The following SLC7A10 variants were observed in gnomAD, a reference collection of about 807,000 sequenced individuals.
The protein encoded by SLC7A10 is asc-type amino acid transporter 1.
In SLC7A10, 30 loss-of-function variants were observed where a neutral mutation model predicts 52.7. The observed-to-expected ratio is 0.57, with a 90% CI of 0.43 to 0.77. The LOEUF (loss-of-function observed/expected upper bound fraction) is 0.77, where lower values mean the gene tolerates loss of function less well. Ranked by LOEUF, SLC7A10 falls within the 30% of genes least tolerant of loss-of-function variation. The pLI, the probability that SLC7A10 is intolerant of heterozygous loss-of-function variation, is 0.00. For missense variants in SLC7A10, 581 were observed against 698.5 expected (o/e 0.83, Z 1.90); for synonymous variants, 318 against 314.9 (o/e 1.01, Z -0.10).
At chr19:33,213,988 C>T (rs1425926341) in intron 2 of SLC7A10, among the ~76,000 whole-genome samples, 1 of 152,112 alleles carries the variant, frequency 6.6e-6, no homozygotes, top group African/African-American at 2.4e-5. Flanking sequence ...ATCACCTGCC[C>T]CTTGCTCTGC....
intron 1 of SLC7A10, among the ~76,000 whole-genome samples, chr19:33,219,681 T>C (rs542443056): frequency 3.9e-5 from 6 of 152,358 alleles, no homozygotes; most frequent in African/African-American, 1.4e-4. Flanking sequence ...CCTGCATATC[T>C]GTGCTGGGCC....
Position 33,210,694 on chromosome 19 carries a change from C to T in SLC7A10, c.1114-78G>A. The T allele has an allele frequency of 6.2e-7, 1 of 1,607,638 alleles. No individual in the cohort carries two copies. ...CCTGCAGGATGAGCCCTGGCCCCAC[C>T]CCCAACCCCCACCCTGGAATGGCTC... On this transcript the variant is annotated intron_variant, in intron 8 of 10. Coordinates refer to ENST00000253188, the MANE Select transcript of SLC7A10 (RefSeq NM_019849.3). This position sits in a 1 kb window ranked among gnomAD's most constrained non-coding sequence, Gnocchi z 5.6.
At chr19:33,212,223 G>A in intron 5 of SLC7A10, 69 bp downstream of exon 5, 1 of 1,550,746 alleles carries the variant, frequency 6.4e-7, no homozygotes, top group Non-Finnish European at 8.7e-7. Flanking sequence ...GTGGGGCTGG[G>A]CGGAGAGGCT....
intron 7 of SLC7A10, 152 bp from the exon 8 acceptor site, chr19:33,211,050 GC>G (rs746268629): frequency 3.1e-6 from 3 of 972,464 alleles, no homozygotes; most frequent in South Asian, 2.7e-5. Context: ...CCTGCCTCTT[GC>G]TTTCTTTGCC....
intron 1 of SLC7A10, among the ~76,000 whole-genome samples, chr19:33,216,186 C>A (rs539010600): frequency 2.0e-5 from 3 of 152,318 alleles, no homozygotes; most frequent in East Asian, 1.9e-4. Context: ...TTCCTCAGTC[C>A]CTCACATAGG....
chr19:33,222,083 T>G (rs1974821330), intron 1 of SLC7A10, among the ~76,000 whole-genome samples: 1 of 152,118 alleles, frequency 6.6e-6, no homozygotes, highest in Non-Finnish European at 1.5e-5. Flanking sequence ...TGGCCCCAAT[T>G]TGCCCAGCAT....
At chr19:33,216,656 C>A (rs1974691801) in intron 1 of SLC7A10, among the ~76,000 whole-genome samples, 1 of 152,064 alleles carries the variant, frequency 6.6e-6, no homozygotes, top group African/African-American at 2.4e-5. Context: ...CCTTTCCTTC[C>A]CTCCGCTTCC....
chr19:33,215,629 C>CAG, intron 2 of SLC7A10, 140 bp downstream of exon 2: 1 of 683,952 alleles, frequency 1.5e-6, no homozygotes, highest in Non-Finnish European at 2.1e-6. Context: ...TCTCTCCATC[C>CAG]ACCCCCCACA....
chr19:33,209,590 G>A (rs945072314), intron 9 of SLC7A10, 105 bp from the exon 10 acceptor site: 3 of 1,214,328 alleles, frequency 2.5e-6, no homozygotes, highest in Admixed American at 4.7e-5. Flanking sequence ...TGGGAGCTGA[G>A]GCCTGAAGGG....
At chr19:33,211,156 CG>C in intron 7 of SLC7A10, 68 bp downstream of exon 7, 1 of 1,467,760 alleles carries the variant, frequency 6.8e-7, no homozygotes, top group Non-Finnish European at 9.5e-7. Flanking sequence ...CTCTGGCCCA[CG>C]GCATGACTGG....
chr19:33,212,274 G>C lies in SLC7A10; in HGVS notation c.788+18C>G. On this transcript the variant is annotated intron_variant, in intron 5 of 10. Coordinates refer to ENST00000253188, the MANE Select transcript of SLC7A10 (RefSeq NM_019849.3). ...GGGCCTGGCTGCTTCCCAGGGCCCA[G>C]TTGGGGGCCCCACTCACTTTCGGGC... is the stretch of plus-strand genomic sequence containing the variant. 2 of 1,589,634 alleles carry C rather than the reference G, an allele frequency of 1.3e-6. No individual in the cohort carries two copies. The highest frequency in any genetic ancestry group is 8.6e-7 in the Non-Finnish European group (1 of 1,168,862).
chr19:33,210,735 C>G lies in SLC7A10; in HGVS notation c.1113+67G>C, dbSNP rs752348052. 1 of 1,608,274 alleles carries G rather than the reference C, an allele frequency of 6.2e-7. No homozygotes were observed. The highest frequency in any genetic ancestry group is 2.2e-5 in the East Asian group (1 of 44,826). On this transcript the variant is annotated intron_variant, in intron 8 of 10. Coordinates refer to ENST00000253188, the MANE Select transcript of SLC7A10 (RefSeq NM_019849.3). The surrounding 1 kb of genome is among the most constrained non-coding windows in gnomAD (Gnocchi z 5.6). ...GGAATGGCTCACCCCTGCCATTACCCGGAAGGTCCTGCATTGCCGGGTAGC... is the reference window on the plus strand; with the variant it reads ...GGAATGGCTCACCCCTGCCATTACCGGGAAGGTCCTGCATTGCCGGGTAGC...
rs2145469805 is a variant in SLC7A10, at chr19:33,210,910, G to A, written c.1017-12C>T. 1.2e-6 allele frequency: 2 copies of A among 1,611,870 alleles called. No individual in the cohort carries two copies. The highest frequency in any genetic ancestry group is 2.2e-5 in the East Asian group (1 of 44,856). ...CAGAGAAGCACAGCCTAGCGTTGGG[G>A]ACAGATATGGGCACTGGCCACATCC... is the stretch of plus-strand genomic sequence containing the variant. On this transcript the variant is annotated splice_polypyrimidine_tract_variant and intron_variant, in intron 7 of 10. Coordinates refer to ENST00000253188, the MANE Select transcript of SLC7A10 (RefSeq NM_019849.3). The surrounding 1 kb of genome is among the most constrained non-coding windows in gnomAD (Gnocchi z 5.6).
At chr19:33,209,583 G>A in intron 9 of SLC7A10, 98 bp from the exon 10 acceptor site, 1 of 1,339,732 alleles carries the variant, frequency 7.5e-7, no homozygotes, top group Non-Finnish European at 1.0e-6. Context: ...CCTTCCCTGG[G>A]AGCTGAGGCC....
chr19:33,215,972 C>G lies in SLC7A10; in HGVS notation c.153G>C (p.Gly51=). The G allele has an allele frequency of 6.3e-7, 1 of 1,582,264 alleles. No homozygotes were observed. The highest frequency in any genetic ancestry group is 2.3e-5 in the East Asian group (1 of 44,016). ...GLLSACTIII[G]NIIGSGIFIS... is the part of the protein sequence containing the mutation. ...TGAAGATGCCCGAGCCGATGATGTT[C>G]CCTGCAGGGGGAGAGATGGGGAGGC... Residue 51 remains glycine (G), a splice_region_variant and synonymous_variant, in exon 2 of 11, where the codon GGG becomes GGC. Coordinates refer to ENST00000253188, the MANE Select transcript of SLC7A10 (RefSeq NM_019849.3).
At chr19:33,212,147 C>T (rs1160960441) in intron 5 of SLC7A10, 145 bp downstream of exon 5, 19 of 1,225,078 alleles carry the variant, frequency 1.6e-5, no homozygotes, top group Non-Finnish European at 2.2e-5. Flanking sequence ...CGGCTTTCTT[C>T]CCAGGGCCAT....
At chr19:33,212,246 A>G (rs1974569710) in intron 5 of SLC7A10, 46 bp downstream of exon 5, 1 of 1,566,214 alleles carries the variant, frequency 6.4e-7, no homozygotes, top group Non-Finnish European at 8.6e-7. Context: ...CTGTCCCACC[A>G]GAGGGCCTGG....
At chr19:33,221,242 G>C (rs1363309891) in intron 1 of SLC7A10, 3 of 152,256 alleles carry the variant, frequency 2.0e-5, no homozygotes, top group Non-Finnish European at 4.4e-5. Flanking sequence ...CCTCCTTCCT[G>C]GCTGGACTGT....
chr19:33,219,822 A>C (rs1388313586), intron 1 of SLC7A10: 1 of 152,384 alleles, frequency 6.6e-6, no homozygotes, highest in Non-Finnish European at 1.5e-5. Flanking sequence ...TGCAATCTGG[A>C]CATCGCCCCA....
Sources: gnomAD v4.1 joint callset for allele counts (sites outside exome capture counted in the v4.1 genomes callset) on GRCh38, gnomAD v4.1.1 for gene constraint, Gnocchi (gnomAD v3.1) non-coding constraint, MANE v1.5 for transcripts, NCBI Gene and HGNC (gene_info 2026-07-23, HGNC 2026-07-21) for gene names.